The following SCG3 variants were observed in gnomAD, a reference collection of about 807,000 sequenced individuals.
The protein encoded by SCG3 is secretogranin III.
Under a neutral mutation model 56.2 loss-of-function variants are expected in SCG3, and 38 were observed. The observed-to-expected ratio is 0.68, with a 90% CI of 0.52 to 0.89. SCG3 has a LOEUF of 0.89. SCG3 is among the 40% of genes least tolerant of loss of function. SCG3 has a pLI of 0.00. For missense variants in SCG3, 524 were observed against 540.7 expected (o/e 0.97, Z 0.31); for synonymous variants, 176 against 184.2 (o/e 0.96, Z 0.36).
chr15:51,683,015 C>G, intron 2 of SCG3, 64 bp from the exon 3 acceptor site: 1 of 1,312,902 alleles, frequency 7.6e-7, no homozygotes, highest in Non-Finnish European at 1.1e-6. Flanking sequence ...TCATTTGGCT[C>G]TTGTACTTGG....
intron 10 of SCG3, among the ~76,000 whole-genome samples, chr15:51,712,842 T>C (rs756026789): frequency 6.6e-6 from 1 of 152,178 alleles, no homozygotes; most frequent in Admixed American, 6.5e-5. Flanking sequence ...CCTGCCAGAA[T>C]TGGGCAGAAG....
Position 51,699,397 on chromosome 15 carries a change from TC to T in SCG3, c.1067del (p.Pro356GlnfsTer28). On this transcript the variant is annotated frameshift_variant, in exon 9 of 12. Coordinates refer to ENST00000220478, the MANE Select transcript of SCG3 (RefSeq NM_013243.4). LOFTEE classifies it high-confidence loss of function. ...KNATDNISKL[F>X]PAPSEKSHEE... is the part of the protein sequence containing the mutation. Reference sequence around the variant, plus strand: ...GCTACTGACAATATAAGCAAGCTTTTCCCAGGTATGATTATTTAACTATTTT... The same window carrying T: ...GCTACTGACAATATAAGCAAGCTTTTCCAGGTATGATTATTTAACTATTTT... 1 of 1,595,578 alleles carries T rather than the reference TC, an allele frequency of 6.3e-7. No individual in the cohort carries two copies. The highest frequency in any genetic ancestry group is 8.6e-7 in the Non-Finnish European group (1 of 1,168,366).
chr15:51,690,110 C>G (rs1300900443), intron 6 of SCG3, among the ~76,000 whole-genome samples: 1 of 152,128 alleles, frequency 6.6e-6, no homozygotes, highest in African/African-American at 2.4e-5. Flanking sequence ...TTGACTAGAT[C>G]TTCTGCTACA....
chr15:51,705,704 T>C (rs2055370935), intron 10 of SCG3, among the ~76,000 whole-genome samples: 1 of 152,108 alleles, frequency 6.6e-6, no homozygotes, highest in Non-Finnish European at 1.5e-5. Flanking sequence ...GTATTTTTAG[T>C]AGACATGGGG....
In SCG3 at chr15:51,701,247, A is replaced by G; in HGVS notation, c.1207+3A>G. 3 of 1,586,490 alleles carry G rather than the reference A, an allele frequency of 1.9e-6. No individual in the cohort carries two copies. The highest frequency in any genetic ancestry group is 4.5e-5 in the East Asian group (2 of 44,708). On this transcript the variant is annotated splice_donor_region_variant and intron_variant, in intron 10 of 11. Transcript: ENST00000220478. Reference sequence around the variant, plus strand: ...AGGAAAGACAGATGAACCCAAAGGTATGGGATTGACAGCTCTAGGTTAGCA... The same window carrying G: ...AGGAAAGACAGATGAACCCAAAGGTGTGGGATTGACAGCTCTAGGTTAGCA...
In SCG3 at chr15:51,711,746, G is replaced by A. The variant is rs547133565; in HGVS notation, c.1208-1587G>A. 5.9e-5 allele frequency among the ~76,000 whole-genome samples: 9 copies of A among 152,300 alleles called. No homozygotes were observed. The South Asian group carries it at 1.9e-3, about 32-fold the overall frequency. ...ACAATCCTCCCTCTTTGGCCTCCCA[G>A]ACTGCTGAAATCAAGGAAGTTTCTA... On this transcript the variant is annotated intron_variant, in intron 10 of 11. Transcript: ENST00000220478.
chr15:51,692,567 A>T (rs1228926913), intron 7 of SCG3, among the ~76,000 whole-genome samples: 1 of 152,194 alleles, frequency 6.6e-6, no homozygotes, highest in Non-Finnish European at 1.5e-5. Context: ...TTGTTAACAG[A>T]AGGTTCATTT....
intron 5 of SCG3, among the ~76,000 whole-genome samples, chr15:51,688,841 T>A (rs762012581): frequency 2.0e-5 from 3 of 152,260 alleles, no homozygotes; most frequent in Non-Finnish European, 4.4e-5. Context: ...CCACCTCAGC[T>A]TGGCTCTTCT....
chr15:51,699,831 T>C (rs1045102419), intron 9 of SCG3, among the ~76,000 whole-genome samples: 16 of 152,100 alleles, frequency 1.1e-4, no homozygotes, highest in Non-Finnish European at 1.6e-4. Flanking sequence ...TCCCCTGGGA[T>C]GGTCTGTGCC....
At chr15:51,695,442 T>C (rs1458873756) in intron 7 of SCG3, among the ~76,000 whole-genome samples, 1 of 152,192 alleles carries the variant, frequency 6.6e-6, no homozygotes, top group Non-Finnish European at 1.5e-5. Flanking sequence ...ATATTTTAAA[T>C]GAAATTAAAC....
At position 51,688,289 on chromosome 15, in the gene SCG3, G is replaced by A. The variant is rs777700716; in HGVS notation, c.427G>A (p.Gly143Arg). 5 of 1,613,748 alleles carry A rather than the reference G, an allele frequency of 3.1e-6. No homozygotes were observed. The highest frequency in any genetic ancestry group is 1.7e-5 in the Admixed American group (1 of 60,002). ...DDPDGLHQLD[G>R]TPLTAEDIVH... The stretch of plus-strand genomic sequence containing the variant: ...TCCAGATGGTCTTCATCAACTAGAC[G>A]GGACTCCTTTAACCGCTGAAGACAT... The change falls in exon 5 of 12, where the codon GGG (glycine) becomes AGG (arginine). Residue 143 changes from glycine (G) to arginine (R), a missense_variant. Coordinates refer to ENST00000220478, the MANE Select transcript of SCG3 (RefSeq NM_013243.4).
chr15:51,700,258 G>C (rs1356064765), intron 9 of SCG3, among the ~76,000 whole-genome samples: 1 of 152,044 alleles, frequency 6.6e-6, no homozygotes, highest in African/African-American at 2.4e-5. Flanking sequence ...CATCACACTA[G>C]CGAATGTTTT....
chr15:51,700,262 A>G (rs2141570460), intron 9 of SCG3, among the ~76,000 whole-genome samples: 1 of 152,318 alleles, frequency 6.6e-6, no homozygotes, highest in East Asian at 1.9e-4. Flanking sequence ...ACACTAGCGA[A>G]TGTTTTATAT....
At chr15:51,684,192 G>A (rs1279459778) in intron 4 of SCG3, among the ~76,000 whole-genome samples, 1 of 152,112 alleles carries the variant, frequency 6.6e-6, no homozygotes, top group Non-Finnish European at 1.5e-5. Context: ...TTTTATGTCT[G>A]TGTATCTCTC....
intron 10 of SCG3, among the ~76,000 whole-genome samples, chr15:51,709,845 C>G (rs1284581282): frequency 7.0e-6 from 1 of 143,522 alleles, no homozygotes; most frequent in African/African-American, 2.6e-5. Flanking sequence ...CTCAGCCTCC[C>G]GAGTAGCTGG....
chr15:51,690,865 C>A (rs954439841), intron 6 of SCG3, among the ~76,000 whole-genome samples: 1 of 152,128 alleles, frequency 6.6e-6, no homozygotes, highest in African/African-American at 2.4e-5. Context: ...TTATTGAATA[C>A]TAACTCTGTA....
At chr15:51,699,825 C>T (rs554841636) in intron 9 of SCG3, among the ~76,000 whole-genome samples, 2 of 152,186 alleles carry the variant, frequency 1.3e-5, no homozygotes, top group East Asian at 3.9e-4. Flanking sequence ...TCTCTCTCCC[C>T]TGGGATGGTC....
intron 10 of SCG3, among the ~76,000 whole-genome samples, chr15:51,709,563 T>C (rs1331771702): frequency 6.7e-6 from 1 of 149,568 alleles, no homozygotes; most frequent in African/African-American, 2.5e-5. Flanking sequence ...AAATAGTTTC[T>C]GATATAGCTA....
intron 4 of SCG3, 111 bp from the exon 5 acceptor site, chr15:51,688,149 A>G: frequency 9.5e-7 from 1 of 1,056,494 alleles, no homozygotes; most frequent in Non-Finnish European, 1.3e-6. Context: ...CCATAAATAC[A>G]TTTCAAACAT....
Sources: gnomAD v4.1 joint callset for allele counts (sites outside exome capture counted in the v4.1 genomes callset) on GRCh38, gnomAD v4.1.1 for gene constraint, MANE v1.5 for transcripts, NCBI Gene and HGNC (gene_info 2026-07-23, HGNC 2026-07-21) for gene names.